Variants in CFAP299 observed in about 807,000 individuals in gnomAD.
CFAP299 encodes cilia- and flagella-associated protein 299.
A neutral mutation model predicts 27.0 loss-of-function variants in CFAP299; 21 were observed. The observed-to-expected ratio is 0.78, with a 90% CI of 0.55 to 1.12. The LOEUF is 1.12. Among genes scored for constraint, CFAP299 ranks in the 50% most tolerant of loss-of-function variants. The pLI is 0.00. For missense variants in CFAP299, 310 were observed against 276.6 expected, an observed-to-expected ratio of 1.12 and a Z score of -0.86; for synonymous variants, 104 against 98.1, an observed-to-expected ratio of 1.06 and a Z score of -0.36.
intron 1 of CFAP299, among the ~76,000 whole-genome samples, chr4:80,346,675 T>C (rs1578338080): frequency 6.6e-6 from 1 of 152,348 alleles, no homozygotes; most frequent in Non-Finnish European, 1.5e-5. Flanking sequence ...TTGGTTACTG[T>C]AGCCTTGTAG....
intron 4 of CFAP299, among the ~76,000 whole-genome samples, chr4:80,887,817 A>C (rs535803857): frequency 6.6e-6 from 1 of 152,256 alleles, no homozygotes; most frequent in South Asian, 2.1e-4. Flanking sequence ...AGAAAAAGTT[A>C]AAAAGTGGGA....
intron 3 of CFAP299, among the ~76,000 whole-genome samples, chr4:80,868,225 CA>C (rs1271930181): frequency 6.7e-6 from 1 of 149,908 alleles, no homozygotes; most frequent in Non-Finnish European, 1.5e-5. Context: ...TCTATATTTG[CA>C]ACTTTCTTTG....
chr4:80,337,897 G>A (rs1237407725), intron 1 of CFAP299, among the ~76,000 whole-genome samples: 1 of 152,032 alleles, frequency 6.6e-6, no homozygotes, highest in Non-Finnish European at 1.5e-5. Flanking sequence ...GTATATATTT[G>A]GATTGATTAG....
At chr4:80,953,889 A>G (rs1396768279) in intron 5 of CFAP299, among the ~76,000 whole-genome samples, 1 of 152,218 alleles carries the variant, frequency 6.6e-6, no homozygotes, top group Non-Finnish European at 1.5e-5. Flanking sequence ...CATACATGAC[A>G]AAGAAAAATT....
intron 3 of CFAP299, among the ~76,000 whole-genome samples, chr4:80,737,594 T>A (rs1723982805): frequency 6.6e-6 from 1 of 152,142 alleles, no homozygotes; most frequent in Non-Finnish European, 1.5e-5. Context: ...TAGTAGCCAT[T>A]AATGATAATT....
At chr4:80,617,064 G>C (rs1252248929) in intron 3 of CFAP299, among the ~76,000 whole-genome samples, 1 of 151,996 alleles carries the variant, frequency 6.6e-6, no homozygotes, top group Non-Finnish European at 1.5e-5. Context: ...GGATTTTAAA[G>C]ATATATGAAT....
At position 80,447,134 on chromosome 4, in the gene CFAP299, T is replaced by TG. The variant is rs1215846101; in HGVS notation, c.242+84250_242+84251insG. Reference sequence around the variant, plus strand: ...CTTTTTATTTGTTTTTTTTTTGTTTTTTTTTTTTTTTTTTTTTTTGAGACG... The same window carrying TG: ...CTTTTTATTTGTTTTTTTTTTGTTTTGTTTTTTTTTTTTTTTTTTTGAGACG... On this transcript the variant is annotated intron_variant, in intron 2 of 5. Coordinates refer to ENST00000358105, the MANE Select transcript of CFAP299 (RefSeq NM_152770.3). Among the ~76,000 whole-genome samples the TG allele has an allele frequency of 3.4e-3, 402 of 118,912 alleles. 2 individuals carry two copies. Among genetic ancestry groups the TG allele is most frequent in the African/African-American group, 0.015 (383 of 25,344 alleles). The allele number at this position is 118,912 out of a possible 152,430, so 78.0% of individuals were successfully genotyped here.
intron 4 of CFAP299, among the ~76,000 whole-genome samples, chr4:80,899,639 T>C (rs1734786325): frequency 6.6e-6 from 1 of 152,088 alleles, no homozygotes; most frequent in Non-Finnish European, 1.5e-5. Flanking sequence ...GAGATTTCAG[T>C]CCTCCTAGGG....
intron 3 of CFAP299, among the ~76,000 whole-genome samples, chr4:80,800,000 GATATATAATAAGTAATATATATT>G (rs1250673934): frequency 6.5e-5 from 3 of 46,338 alleles, no homozygotes; most frequent in South Asian, 1.6e-3. Context: ...TATATATTAT[GATATATAATAAGTAATATATATT>G]ATATATAATA....
At chr4:80,720,584 T>C (rs1722754216) in intron 3 of CFAP299, among the ~76,000 whole-genome samples, 1 of 152,084 alleles carries the variant, frequency 6.6e-6, no homozygotes, top group South Asian at 2.1e-4. Context: ...TTAAAAGCAA[T>C]TTTAAACCTA....
At chr4:80,455,917 A>G (rs865927798) in intron 2 of CFAP299, among the ~76,000 whole-genome samples, 12 of 152,268 alleles carry the variant, frequency 7.9e-5, no homozygotes, top group Middle Eastern at 6.8e-3. Context: ...CACAGAGCTT[A>G]TGTTTTAGTT....
intron 2 of CFAP299, among the ~76,000 whole-genome samples, chr4:80,402,523 G>T (rs1447117754): frequency 2.0e-5 from 3 of 152,094 alleles, no homozygotes; most frequent in Non-Finnish European, 4.4e-5. Context: ...CTCCCACCAT[G>T]ATTCTGAGGC....
intron 2 of CFAP299, among the ~76,000 whole-genome samples, chr4:80,450,543 G>A (rs1728848324): frequency 6.6e-6 from 1 of 151,846 alleles, no homozygotes; most frequent in East Asian, 1.9e-4. Context: ...GAAATACTAG[G>A]GAAATATTAA....
intron 3 of CFAP299, among the ~76,000 whole-genome samples, chr4:80,817,943 C>G (rs1729508695): frequency 6.6e-6 from 1 of 151,952 alleles, no homozygotes. Context: ...ATCCCAATGC[C>G]TAGGTATTAA....
At chr4:80,813,856 CAA>C (rs1729286768) in intron 3 of CFAP299, among the ~76,000 whole-genome samples, 1 of 151,726 alleles carries the variant, frequency 6.6e-6, no homozygotes, top group Admixed American at 6.6e-5. Context: ...AGGAAAAAAA[CAA>C]AAGACAGTAT....
intron 3 of CFAP299, among the ~76,000 whole-genome samples, chr4:80,781,730 G>T (rs1275426149): frequency 1.3e-5 from 2 of 151,990 alleles, no homozygotes; most frequent in East Asian, 3.9e-4. Context: ...TGGATAATTG[G>T]AGAAAATGAC....
intron 4 of CFAP299, among the ~76,000 whole-genome samples, chr4:80,901,496 A>G (rs902918495): frequency 6.6e-5 from 10 of 152,098 alleles, no homozygotes; most frequent in Admixed American, 5.9e-4. Context: ...AGCAAACATT[A>G]TTTTAAAAAT....
At chr4:80,894,099 A>G (rs1434420654) in intron 4 of CFAP299, among the ~76,000 whole-genome samples, 1 of 152,044 alleles carries the variant, frequency 6.6e-6, no homozygotes, top group Non-Finnish European at 1.5e-5. Flanking sequence ...CATATGGCCT[A>G]CAGATATATG....
chr4:80,744,041 A>G (rs752285450), intron 3 of CFAP299, among the ~76,000 whole-genome samples: 17 of 152,318 alleles, frequency 1.1e-4, no homozygotes, highest in Non-Finnish European at 2.1e-4. Flanking sequence ...GCTGTAAACT[A>G]TAGATTAGAT....
Sources: allele counts gnomAD v4.1 joint callset (sites outside exome capture counted in the v4.1 genomes callset), GRCh38; gene constraint gnomAD v4.1.1; transcripts MANE v1.5; gene names NCBI Gene and HGNC (gene_info 2026-07-23, HGNC 2026-07-21).